Variants in ADARB2 observed in about 807,000 individuals in gnomAD.
ADARB2 encodes the protein adenosine deaminase RNA specific B2 (inactive), also known as inactive double-stranded RNA-specific editase B2.
A neutral mutation model predicts 62.2 loss-of-function variants in ADARB2; 25 were observed. The ratio of observed to expected loss-of-function variants is 0.40; its 90% CI spans 0.29 to 0.56. The LOEUF (loss-of-function observed/expected upper bound fraction) is 0.56. Among genes scored for constraint, ADARB2 ranks in the 20% least tolerant of loss-of-function variants. The pLI, the probability that ADARB2 is intolerant of heterozygous loss-of-function variation, is 0.43. For synonymous variants in ADARB2, 572 were observed against 500.8 expected (o/e 1.14, Z -1.90); for missense variants, 1,071 against 1,077.4 (o/e 0.99, Z 0.08).
chr10:1,449,888 A>G (rs1201594582), intron 1 of ADARB2, among the ~76,000 whole-genome samples: 1 of 152,262 alleles, frequency 6.6e-6, no homozygotes, highest in East Asian at 1.9e-4. Flanking sequence ...ACTGAGTAGA[A>G]AAGAAAACAT....
chr10:1,272,343 G>A (rs1053455922), intron 3 of ADARB2, among the ~76,000 whole-genome samples: 1 of 152,218 alleles, frequency 6.6e-6, no homozygotes, highest in African/African-American at 2.4e-5. Context: ...GATAAGGACA[G>A]CTCTCTGATT....
At chr10:1,524,307 A>G (rs182388000) in intron 1 of ADARB2, among the ~76,000 whole-genome samples, 2 of 152,360 alleles carry the variant, frequency 1.3e-5, no homozygotes, top group South Asian at 2.1e-4. Context: ...ACCACATATA[A>G]GTCCCACTAA....
In ADARB2 at chr10:1,219,954, ATGG is replaced by A. The variant is rs1480461630; in HGVS notation, c.1514-2838_1514-2836del. Among the ~76,000 whole-genome samples the A allele has an allele frequency of 9.5e-5, 12 of 126,276 alleles. No homozygotes were observed. The East Asian group carries it at 1.2e-3, about 13-fold the overall frequency. The allele number at this position is 126,276 out of a possible 152,430, so 82.8% of individuals were successfully genotyped here. On this transcript the variant is annotated intron_variant, in intron 6 of 9. Transcript: ENST00000381312. Reference sequence around the variant, plus strand: ...GGTGATGATGGTGGTGATAATGGTGATGGTGGTGGTGATGGATGATGGTGATGG... The same window carrying A: ...GGTGATGATGGTGGTGATAATGGTGATGGTGGTGATGGATGATGGTGATGG...
chr10:1,382,080 A>G (rs895656876), intron 1 of ADARB2, among the ~76,000 whole-genome samples: 7 of 152,216 alleles, frequency 4.6e-5, no homozygotes, highest in Admixed American at 4.6e-4. Flanking sequence ...GTATATATCA[A>G]TTCATCGCAT....
chr10:1,540,571 T>C (rs12243709), intron 1 of ADARB2, among the ~76,000 whole-genome samples: 758 of 40,460 alleles, frequency 0.019, 36 homozygotes, highest in East Asian at 0.043. Context: ...CCCACTCAGA[T>C]GTAGTTCAGA....
chr10:1,569,256 C>G (rs181859095), intron 1 of ADARB2, among the ~76,000 whole-genome samples: 11 of 151,610 alleles, frequency 7.3e-5, no homozygotes, highest in African/African-American at 2.7e-4. Context: ...GGGGGAGAGA[C>G]AGAGAGCGAG....
chr10:1,279,936 C>T (rs1831355649), intron 3 of ADARB2, among the ~76,000 whole-genome samples: 1 of 152,184 alleles, frequency 6.6e-6, no homozygotes, highest in South Asian at 2.1e-4. Context: ...CAGGACTTCA[C>T]ACCTTAGTGC....
chr10:1,475,038 C>T (rs1336205157), intron 1 of ADARB2, among the ~76,000 whole-genome samples: 1 of 152,052 alleles, frequency 6.6e-6, no homozygotes, highest in Non-Finnish European at 1.5e-5. Flanking sequence ...ACGGGGACCC[C>T]CACGGGCCGC....
At chr10:1,627,325 G>C (rs1875009) in intron 1 of ADARB2, among the ~76,000 whole-genome samples, 110,615 of 152,006 alleles carry the variant, frequency 0.73, 40,456 homozygotes, top group African/African-American at 0.81. Context: ...ATCTGTGCAT[G>C]CAAGATCGCC....
In ADARB2 at chr10:1,442,711, T is replaced by C. The variant is rs1468430984; in HGVS notation, c.101-63551A>G. ...AAGAACCAAGCTACCTGTTATACTG[T>C]ATATGGTAAAAGCACAGAAGATAGA... On this transcript the variant is annotated intron_variant, in intron 1 of 9. Coordinates refer to ENST00000381312, the MANE Select transcript of ADARB2 (RefSeq NM_018702.4). Among the ~76,000 whole-genome samples the C allele has an allele frequency of 2.6e-5, 4 of 152,204 alleles. No individual in the cohort carries two copies. The East Asian group carries it at 5.8e-4, about 22-fold the overall frequency.
intron 3 of ADARB2, among the ~76,000 whole-genome samples, chr10:1,358,525 G>A (rs1832218160): frequency 6.6e-6 from 1 of 152,168 alleles, no homozygotes; most frequent in African/African-American, 2.4e-5. Context: ...GCTGCCCAGG[G>A]ATGCCCCAGG....
intron 1 of ADARB2, among the ~76,000 whole-genome samples, chr10:1,517,748 C>T (rs1402099963): frequency 6.6e-6 from 1 of 152,088 alleles, no homozygotes; most frequent in Non-Finnish European, 1.5e-5. Flanking sequence ...CTGAAAAGAG[C>T]CTGCCCTGAG....
chr10:1,584,756 C>G (rs1833152671), intron 1 of ADARB2, among the ~76,000 whole-genome samples: 1 of 152,136 alleles, frequency 6.6e-6, no homozygotes, highest in Non-Finnish European at 1.5e-5. Flanking sequence ...TATTATCCAG[C>G]TATTCAGTGC....
At chr10:1,685,795 G>A (rs1337285019) in intron 1 of ADARB2, among the ~76,000 whole-genome samples, 1 of 152,218 alleles carries the variant, frequency 6.6e-6, no homozygotes, top group Non-Finnish European at 1.5e-5. Context: ...GGTCCTGATG[G>A]AGATCATCAT....
At chr10:1,650,063 G>T (rs7896158) in intron 1 of ADARB2, among the ~76,000 whole-genome samples, 28,644 of 151,964 alleles carry the variant, frequency 0.19, 4,180 homozygotes, top group African/African-American at 0.41. Flanking sequence ...CCAAGAACAA[G>T]TAGACTGTAT....
chr10:1,354,975 A>G (rs1832180665), intron 3 of ADARB2, among the ~76,000 whole-genome samples: 1 of 152,298 alleles, frequency 6.6e-6, no homozygotes, highest in South Asian at 2.1e-4. Context: ...AGGGCAGTGG[A>G]GCCCCTGCAG....
intron 1 of ADARB2, among the ~76,000 whole-genome samples, chr10:1,502,150 T>C (rs1831775080): frequency 2.0e-5 from 3 of 152,228 alleles, no homozygotes; most frequent in Admixed American, 6.5e-5. Context: ...ACAATAGCTG[T>C]TGCTTTCACA....
chr10:1,547,149 T>A (rs759396266), intron 1 of ADARB2, among the ~76,000 whole-genome samples: 8 of 152,178 alleles, frequency 5.3e-5, no homozygotes, highest in Non-Finnish European at 1.0e-4. Flanking sequence ...GCAGGTGACA[T>A]CATTACCTTT....
intron 1 of ADARB2, among the ~76,000 whole-genome samples, chr10:1,442,859 T>C (rs75834807): frequency 0.087 from 13,204 of 152,090 alleles, 652 homozygotes; most frequent in South Asian, 0.2. Context: ...TATGACCACC[T>C]GAGCTGAATG....
Sources: allele counts gnomAD v4.1 joint callset (sites outside exome capture counted in the v4.1 genomes callset), GRCh38; gene constraint gnomAD v4.1.1; transcripts MANE v1.5; gene names NCBI Gene and HGNC (gene_info 2026-07-23, HGNC 2026-07-21).